The following MBD5 variants were observed in gnomAD, a reference collection of about 807,000 sequenced individuals.
The protein encoded by MBD5 is methyl-CpG binding domain protein 5.
A neutral mutation model predicts 117.3 loss-of-function variants in MBD5; 13 were observed. That is an observed-to-expected ratio of 0.11 (90% CI 0.07 to 0.18). MBD5 has a LOEUF of 0.18. Among genes scored for constraint, MBD5 ranks in the 10% least tolerant of loss-of-function variants. MBD5 has a pLI of 1.00. For synonymous variants in MBD5, 727 were observed against 766.4 expected (o/e 0.95, Z 0.85); for missense variants, 1,879 against 2,093.8 (o/e 0.90, Z 2.00).
chr2:148,259,408 C>A (rs1255631655), intron 3 of MBD5, among the ~76,000 whole-genome samples: 1 of 152,164 alleles, frequency 6.6e-6, no homozygotes, highest in African/African-American at 2.4e-5. Context: ...TACCTCTGCC[C>A]ATGTTTCCCT....
chr2:148,453,589 T>C (rs1706791699), intron 4 of MBD5, among the ~76,000 whole-genome samples: 1 of 152,086 alleles, frequency 6.6e-6, no homozygotes, highest in Admixed American at 6.6e-5. Flanking sequence ...CTTATTGGGC[T>C]TAAATGAAGC....
chr2:148,352,679 C>T (rs1703274963), intron 4 of MBD5, among the ~76,000 whole-genome samples: 1 of 152,060 alleles, frequency 6.6e-6, no homozygotes, highest in African/African-American at 2.4e-5. Context: ...GAGATTCATG[C>T]AGGTTACTGA....
chr2:148,317,420 T>C (rs1052653829), intron 3 of MBD5, among the ~76,000 whole-genome samples: 29 of 152,140 alleles, frequency 1.9e-4, no homozygotes, highest in Non-Finnish European at 2.2e-4. Flanking sequence ...TTAAAGCCTC[T>C]AAAGTAATAG....
intron 7 of MBD5, among the ~76,000 whole-genome samples, chr2:148,468,140 C>A (rs1460835476): frequency 6.6e-6 from 1 of 152,078 alleles, no homozygotes; most frequent in East Asian, 1.9e-4. Context: ...AAATAATGTA[C>A]ATTTTTTAAA....
chr2:148,386,052 T>C (rs1704349354), intron 4 of MBD5, among the ~76,000 whole-genome samples: 1 of 151,526 alleles, frequency 6.6e-6, no homozygotes, highest in South Asian at 2.1e-4. Context: ...ATGGCACATG[T>C]ATACATATGT....
At chr2:148,359,266 C>CAAA (rs3076505) in intron 4 of MBD5, among the ~76,000 whole-genome samples, 2 of 123,276 alleles carry the variant, frequency 1.6e-5, no homozygotes, top group Non-Finnish European at 3.6e-5. Context: ...GGCTCTGTCT[C>CAAA]AAAAAAAAAA....
intron 2 of MBD5, among the ~76,000 whole-genome samples, chr2:148,222,181 G>T (rs1448859345): frequency 1.3e-5 from 2 of 152,110 alleles, no homozygotes; most frequent in Non-Finnish European, 2.9e-5. Context: ...ATAATTTGAA[G>T]TCAGGTAATG....
chr2:148,081,835 G>T (rs1695655674), intron 1 of MBD5, among the ~76,000 whole-genome samples: 1 of 152,096 alleles, frequency 6.6e-6, no homozygotes, highest in South Asian at 2.1e-4. Flanking sequence ...TTATGGTTTT[G>T]TGGGAGAAAT....
At chr2:148,424,959 A>G (rs1332251049) in intron 4 of MBD5, among the ~76,000 whole-genome samples, 1 of 152,180 alleles carries the variant, frequency 6.6e-6, no homozygotes, top group Non-Finnish European at 1.5e-5. Context: ...ACACCCTAAC[A>G]TCGCATTTTT....
intron 4 of MBD5, among the ~76,000 whole-genome samples, chr2:148,414,494 C>T (rs1278615776): frequency 1.3e-5 from 2 of 151,926 alleles, no homozygotes; most frequent in Admixed American, 1.3e-4. Flanking sequence ...GTCAAGTGTC[C>T]AGTTCAGGTC....
At chr2:148,091,815 G>A (rs1695950710) in intron 1 of MBD5, among the ~76,000 whole-genome samples, 1 of 152,046 alleles carries the variant, frequency 6.6e-6, no homozygotes, top group East Asian at 1.9e-4. Flanking sequence ...TAAACGGATG[G>A]GACCTAATTA....
At chr2:148,376,089 A>G (rs1348389740) in intron 4 of MBD5, among the ~76,000 whole-genome samples, 1 of 151,046 alleles carries the variant, frequency 6.6e-6, no homozygotes, top group Non-Finnish European at 1.5e-5. Context: ...CAGAATGATA[A>G]TCAAGATTGT....
At chr2:148,512,733 G>C in intron 13 of MBD5, 137 bp from the exon 14 acceptor site, 1 of 777,184 alleles carries the variant, frequency 1.3e-6, no homozygotes. Flanking sequence ...GTAAACATTT[G>C]AAGTGCCTCA....
intron 11 of MBD5, among the ~76,000 whole-genome samples, chr2:148,493,154 C>T (rs931107433): frequency 6.6e-6 from 1 of 152,172 alleles, no homozygotes; most frequent in Non-Finnish European, 1.5e-5. Flanking sequence ...TCTCATTCCG[C>T]CTTGCTAATG....
chr2:148,387,388 G>T (rs1704405844), intron 4 of MBD5, among the ~76,000 whole-genome samples: 1 of 152,044 alleles, frequency 6.6e-6, no homozygotes. Flanking sequence ...TTGCAAAATA[G>T]AAAGGAAGTC....
intron 1 of MBD5, among the ~76,000 whole-genome samples, chr2:148,154,639 C>T (rs1415884174): frequency 1.3e-5 from 2 of 152,192 alleles, no homozygotes; most frequent in Non-Finnish European, 2.9e-5. Context: ...TCATGGTGTG[C>T]CTTTTTTTAA....
intron 1 of MBD5, among the ~76,000 whole-genome samples, chr2:148,032,706 A>G (rs1487067930): frequency 6.6e-6 from 1 of 152,192 alleles, no homozygotes; most frequent in Admixed American, 6.5e-5. Flanking sequence ...GTTTAACAAG[A>G]AAAACCTACT....
chr2:148,389,745 C>T (rs1704508891), intron 4 of MBD5, among the ~76,000 whole-genome samples: 1 of 152,082 alleles, frequency 6.6e-6, no homozygotes, highest in Non-Finnish European at 1.5e-5. Flanking sequence ...TGAGAAGTGT[C>T]TGTTCATGTC....
chr2:148,453,721 T>C (rs1263528827), intron 4 of MBD5, among the ~76,000 whole-genome samples: 1 of 151,826 alleles, frequency 6.6e-6, no homozygotes, highest in Non-Finnish European at 1.5e-5. Context: ...GTTTTTATAA[T>C]ATTATAATTA....
Sources: gnomAD v4.1 joint callset for allele counts (sites outside exome capture counted in the v4.1 genomes callset) on GRCh38, gnomAD v4.1.1 for gene constraint, MANE v1.5 for transcripts, NCBI Gene and HGNC (gene_info 2026-07-23, HGNC 2026-07-21) for gene names.